Variants in BRD4 observed in about 807,000 individuals in gnomAD.
The protein encoded by BRD4 is bromodomain-containing protein 4.
A neutral mutation model predicts 142.1 loss-of-function variants in BRD4; 16 were observed. The observed-to-expected ratio is 0.11, with a 90% CI of 0.08 to 0.17. The LOEUF (loss-of-function observed/expected upper bound fraction) is 0.17. BRD4 is among the 10% of genes least tolerant of loss of function. BRD4 has a pLI of 1.00. For synonymous variants in BRD4, 833 were observed against 707.5 expected, an observed-to-expected ratio of 1.18 and a Z score of -2.82; for missense variants, 1,424 against 1,810.9, an observed-to-expected ratio of 0.79 and a Z score of 3.88.
intron 1 of BRD4, among the ~76,000 whole-genome samples, chr19:15,292,955 CTCTCTTAACTCCTCTTG>C (rs890247400): frequency 1.1e-4 from 17 of 151,992 alleles, no homozygotes. Flanking sequence ...TAATGTCCTA[CTCTCTTAACTCCTCTTG>C]GAGTTAAGTG....
intron 1 of BRD4, among the ~76,000 whole-genome samples, chr19:15,300,054 G>A (rs1465378072): frequency 6.6e-6 from 1 of 152,074 alleles, no homozygotes; most frequent in Non-Finnish European, 1.5e-5. Flanking sequence ...AGACCAACTG[G>A]ACAACATAGT....
intron 11 of BRD4, among the ~76,000 whole-genome samples, chr19:15,251,248 G>A (rs1035083467): frequency 3.9e-5 from 6 of 151,936 alleles, no homozygotes; most frequent in South Asian, 2.1e-4. Flanking sequence ...ACAGCATCCC[G>A]GTCTATGGAT....
Position 15,243,195 on chromosome 19 carries a change from CAGGGGGGGTGGGGGCTGG to C in BRD4, c.2856_2873del (p.Gln953_Leu958del). On this transcript the variant is annotated inframe_deletion, in exon 14 of 20. Coordinates refer to ENST00000679869, the MANE Select transcript of BRD4 (RefSeq NM_001379291.1). ...GCACAGAGGGGTGGGGTGGGGGCGG[CAGGGGGGGTGGGGGCTGG>C]GACTGCACCTTCACGGAAGGGAGTA... The C allele has an allele frequency of 2.9e-5, 1 of 34,992 alleles. No individual in the cohort carries two copies. Among genetic ancestry groups the C allele is most frequent in the Non-Finnish European group, 4.5e-5 (1 of 22,428 alleles). 2.2% of individuals were successfully genotyped at this position (34,992 alleles called of 1,614,324 possible). A position where few individuals can be genotyped will look rare whatever the true frequency, so the allele number is the denominator to read the frequency against.
intron 1 of BRD4, among the ~76,000 whole-genome samples, chr19:15,294,157 A>G (rs1273161181): frequency 6.6e-6 from 1 of 152,246 alleles, no homozygotes; most frequent in African/African-American, 2.4e-5. Flanking sequence ...AGTTTTCGCA[A>G]ATGTAATGAT....
intron 1 of BRD4, among the ~76,000 whole-genome samples, chr19:15,327,339 G>A (rs2016659778): frequency 6.6e-6 from 1 of 152,160 alleles, no homozygotes; most frequent in African/African-American, 2.4e-5. Flanking sequence ...CGGAGTTCAA[G>A]ACCAGCCAGG....
chr19:15,260,890 A>T (rs989764740), intron 7 of BRD4, among the ~76,000 whole-genome samples: 2 of 152,040 alleles, frequency 1.3e-5, no homozygotes, highest in African/African-American at 4.8e-5. Flanking sequence ...AGGAGAGGAC[A>T]GAAAAAATGA....
intron 11 of BRD4, chr19:15,249,268 C>A (rs764464909): frequency 6.2e-7 from 1 of 1,613,808 alleles, no homozygotes; most frequent in African/African-American, 1.3e-5. Flanking sequence ...ATTAAGAGTC[C>A]GTGTCCAATG....
chr19:15,244,559 A>G lies in BRD4; in HGVS notation c.2253T>C (p.Ala751=), dbSNP rs1008719671. ...HHHQQMQQAP[A]PVPQQPPPPP... ...GCGGGGGCGGCTGCTGGGGCACAGG[A>G]GCCGGGGCCTGCTGCATCTGCTGAT... Residue 751 remains alanine, a synonymous_variant, in exon 13 of 20, where the codon GCT becomes GCC. Coordinates refer to ENST00000679869, the MANE Select transcript of BRD4 (RefSeq NM_001379291.1). 3.1e-6 allele frequency: 5 copies of G among 1,601,912 alleles called. No homozygotes were observed. Among genetic ancestry groups the G allele is most frequent in the Non-Finnish European group, 4.2e-6 (5 of 1,178,878 alleles).
intron 1 of BRD4, among the ~76,000 whole-genome samples, chr19:15,302,275 A>G (rs988516724): frequency 2.0e-5 from 3 of 152,204 alleles, no homozygotes; most frequent in Admixed American, 6.5e-5. Flanking sequence ...ACCCCCCAGG[A>G]CTGGGAGATG....
chr19:15,266,795 G>A (rs1254926699), intron 4 of BRD4, among the ~76,000 whole-genome samples: 1 of 152,198 alleles, frequency 6.6e-6, no homozygotes, highest in Non-Finnish European at 1.5e-5. Context: ...CCCTTCTGCA[G>A]CATGGAGTTG....
At chr19:15,307,480 C>G (rs998429951) in intron 1 of BRD4, among the ~76,000 whole-genome samples, 5 of 152,194 alleles carry the variant, frequency 3.3e-5, no homozygotes, top group African/African-American at 1.2e-4. Context: ...TGGTACTCAT[C>G]TGTGCACCTG....
intron 1 of BRD4, among the ~76,000 whole-genome samples, chr19:15,287,290 T>C (rs1366566345): frequency 1.3e-5 from 2 of 152,188 alleles, no homozygotes; most frequent in East Asian, 3.8e-4. Flanking sequence ...ATTTTTATTA[T>C]GGTAAAATAT....
At chr19:15,259,111 C>T (rs1054446758) in intron 7 of BRD4, among the ~76,000 whole-genome samples, 2 of 152,136 alleles carry the variant, frequency 1.3e-5, no homozygotes, top group African/African-American at 4.8e-5. Context: ...TGGGTAGTGC[C>T]CTGGATGTGG....
At chr19:15,289,017 C>G (rs1458233418) in intron 1 of BRD4, among the ~76,000 whole-genome samples, 2 of 152,176 alleles carry the variant, frequency 1.3e-5, no homozygotes, top group East Asian at 1.9e-4. Flanking sequence ...TCCATAACAA[C>G]CTAGGGAAAG....
intron 2 of BRD4, among the ~76,000 whole-genome samples, chr19:15,269,901 A>C (rs544847599): frequency 5.9e-5 from 9 of 152,358 alleles, no homozygotes; most frequent in East Asian, 5.8e-4. Flanking sequence ...TTTTAAAAAC[A>C]ACCACAGAAG....
In BRD4 at chr19:15,253,244, G is replaced by A. The variant is rs1599446515; in HGVS notation, c.2158+908C>T. 5 of 452,992 alleles carry A rather than the reference G, an allele frequency of 1.1e-5. No homozygotes were observed. In the South Asian group the frequency reaches 1.6e-4, roughly 15 times the overall value. The allele number at this position is 452,992 out of a possible 1,614,324, so 28.1% of individuals were successfully genotyped here. A position where few individuals can be genotyped will look rare whatever the true frequency, so the allele number is the denominator to read the frequency against. ...ATGTTAGCTCCATCTCTCAGCAGGG[G>A]CTGGTCGCCAGGCCTTCTGGGCACC... On this transcript the variant is annotated intron_variant, in intron 11 of 19. Coordinates refer to ENST00000679869, the MANE Select transcript of BRD4 (RefSeq NM_001379291.1).
At chr19:15,273,270 C>A (rs948908166) in intron 1 of BRD4, 137 bp from the exon 2 acceptor site, 20 of 799,170 alleles carry the variant, frequency 2.5e-5, no homozygotes, top group African/African-American at 3.5e-5. Context: ...AGAGGGACCA[C>A]CCCATGCTTT....
chr19:15,310,094 CAG>C (rs944957981), intron 1 of BRD4, among the ~76,000 whole-genome samples: 11 of 151,910 alleles, frequency 7.2e-5, no homozygotes, highest in African/African-American at 2.4e-4. Context: ...GACATCAAGA[CAG>C]AAACTACTTG....
chr19:15,263,468 C>T lies in BRD4; in HGVS notation c.1293G>A (p.Lys431=). ...CCACCTCATGGTCAGGAGGGTTGTA[C>T]TTATAGCAGTTGGAGAACATCAATC... The part of the protein sequence containing the change: ...DVRLMFSNCY[K]YNPPDHEVVA... Residue 431 remains lysine (K), a synonymous_variant, in exon 7 of 20, where the codon AAG becomes AAA. Transcript: ENST00000679869. 1.2e-6 allele frequency: 2 copies of T among 1,614,186 alleles called. No homozygotes were observed. The highest frequency in any genetic ancestry group is 8.5e-7 in the Non-Finnish European group (1 of 1,180,032).
Sources: gnomAD v4.1 joint callset for allele counts (sites outside exome capture counted in the v4.1 genomes callset) on GRCh38, gnomAD v4.1.1 for gene constraint, MANE v1.5 for transcripts, NCBI Gene and HGNC (gene_info 2026-07-23, HGNC 2026-07-21) for gene names.